HNRNPAB: variants seen among roughly 807,000 people sequenced by gnomAD.
The protein encoded by HNRNPAB is ABBP-1.
A neutral mutation model predicts 44.1 loss-of-function variants in HNRNPAB; 17 were observed. The ratio of observed to expected loss-of-function variants is 0.39; its 90% CI spans 0.26 to 0.58. The LOEUF (loss-of-function observed/expected upper bound fraction) is 0.58, where lower values mean the gene tolerates loss of function less well. HNRNPAB is among the 20% of genes least tolerant of loss of function. The pLI, the probability that HNRNPAB is intolerant of heterozygous loss-of-function variation, is 0.63. For synonymous variants in HNRNPAB, 183 were observed against 167.6 expected (o/e 1.09, Z -0.71); for missense variants, 393 against 432.7 (o/e 0.91, Z 0.81).
At chr5:178,207,285 G>T in intron 5 of HNRNPAB, 60 bp downstream of exon 5, 1 of 1,600,998 alleles carries the variant, frequency 6.2e-7, no homozygotes, top group Non-Finnish European at 8.5e-7. Context: ...CCCTTAGAGG[G>T]ATGGGTTAGG....
intron 7 of HNRNPAB, 132 bp downstream of exon 7, chr5:178,210,404 T>C: frequency 1.3e-6 from 2 of 1,556,780 alleles, no homozygotes; most frequent in Admixed American, 3.8e-5. Context: ...CTACTTGATT[T>C]TGAGCCTTAG....
At chr5:178,205,531 G>T (rs1757021329) in intron 2 of HNRNPAB, 1 of 209,944 alleles carries the variant, frequency 4.8e-6, no homozygotes, top group South Asian at 1.2e-4. Context: ...TGGTGGAGAC[G>T]CTGGCCCTTT....
At chr5:178,206,504 G>C (rs1410674981) in intron 3 of HNRNPAB, among the ~76,000 whole-genome samples, 4 of 152,220 alleles carry the variant, frequency 2.6e-5, no homozygotes, top group Non-Finnish European at 1.5e-5. Flanking sequence ...TGCTTGGGCA[G>C]GAAGAGCATG....
At chr5:178,208,235 G>T (rs558637258) in intron 5 of HNRNPAB, among the ~76,000 whole-genome samples, 11 of 152,328 alleles carry the variant, frequency 7.2e-5, no homozygotes, top group Admixed American at 1.3e-4. Context: ...GGAGTTGGCA[G>T]CCAGATAAGG....
chr5:178,205,097 C>G, intron 2 of HNRNPAB, 51 bp downstream of exon 2: 5 of 1,161,130 alleles, frequency 4.3e-6, no homozygotes, highest in Non-Finnish European at 5.4e-6. Context: ...CCGGGGCCGC[C>G]TTTTGTTGGC....
At chr5:178,204,780 G>T in intron 1 of HNRNPAB, 35 bp from the exon 2 acceptor site, 1 of 1,125,570 alleles carries the variant, frequency 8.9e-7, no homozygotes, top group Non-Finnish European at 1.1e-6. Flanking sequence ...GGCGGGAGCC[G>T]CGCCGGCCTG....
chr5:178,211,080 G>GGTATTTTACACGTGTC lies in HNRNPAB; in HGVS notation c.*458_*473dup. On this transcript the variant is annotated 3_prime_UTR_variant, in exon 8 of 8. Coordinates refer to ENST00000358344, the MANE Select transcript of HNRNPAB (RefSeq NM_031266.3). ...CTTTTGGGAATCTAATGTATTGTAAGGTATTTTACACGTGTCCTGATTTTG... is the reference window on the plus strand; with the variant it reads ...CTTTTGGGAATCTAATGTATTGTAAGGTATTTTACACGTGTCGTATTTTACACGTGTCCTGATTTTG... 1 of 172,456 alleles carries GGTATTTTACACGTGTC rather than the reference G, an allele frequency of 5.8e-6. No individual in the cohort carries two copies. Among genetic ancestry groups the GGTATTTTACACGTGTC allele is most frequent in the Middle Eastern group, 2.8e-3 (1 of 354 alleles). 10.7% of individuals were successfully genotyped at this position (172,456 alleles called of 1,614,324 possible). A position where few individuals can be genotyped will look rare whatever the true frequency, so the allele number is the denominator to read the frequency against.
At chr5:178,206,528 G>A (rs1355326180) in intron 3 of HNRNPAB, among the ~76,000 whole-genome samples, 1 of 152,228 alleles carries the variant, frequency 6.6e-6, no homozygotes, top group East Asian at 1.9e-4. Context: ...AAAGGCTTAA[G>A]TGTGAGGACT....
intron 2 of HNRNPAB, 33 bp from the exon 3 acceptor site, chr5:178,205,809 C>T (rs1469220862): frequency 1.9e-6 from 3 of 1,599,316 alleles, no homozygotes; most frequent in Admixed American, 1.7e-5. Context: ...GCTTACAAGA[C>T]TTGTTGCCGT....
At chr5:178,206,693 G>T (rs199688838) in intron 3 of HNRNPAB, 39 bp from the exon 4 acceptor site, 3 of 1,603,556 alleles carry the variant, frequency 1.9e-6, no homozygotes, top group East Asian at 2.2e-5. Flanking sequence ...TGTCTGGCTC[G>T]TGCTGCTGAG....
At position 178,207,203 on chromosome 5, in the gene HNRNPAB, T is replaced by C; in HGVS notation, c.647T>C (p.Phe216Ser). ...GTGAAGAAGGTTCTGGAGAAAAAGT[T>C]CCATACTGTCAGTGGAAGCAAGGTA... ...EPVKKVLEKK[F>S]HTVSGSKCEI... The change falls in exon 5 of 8, where the codon TTC becomes TCC. Residue 216 changes from phenylalanine to serine, a missense_variant. Physicochemically the swap from Phe to Ser is radical, Grantham distance 155. Transcript: ENST00000358344. 6.2e-7 allele frequency: 1 copy of C among 1,614,218 alleles called. No individual in the cohort carries two copies. Among genetic ancestry groups the C allele is most frequent in the Non-Finnish European group, 8.5e-7 (1 of 1,180,034 alleles).
In HNRNPAB at chr5:178,205,908, A is replaced by G. The variant is rs1454722358; in HGVS notation, c.276A>G (p.Lys92=). 1 of 1,614,020 alleles carries G rather than the reference A, an allele frequency of 6.2e-7. No individual in the cohort carries two copies. Among genetic ancestry groups the G allele is most frequent in the Non-Finnish European group, 8.5e-7 (1 of 1,179,990 alleles). The stretch of plus-strand genomic sequence containing the variant: ...AAGATTTAAAAGACTATTTTACTAA[A>G]TTTGGAGAGGTCGTTGACTGTACAA... The part of the protein sequence containing the change: ...SKKDLKDYFT[K]FGEVVDCTIK... Residue 92 remains lysine, a synonymous_variant, in exon 3 of 8, where the codon AAA becomes AAG. Coordinates refer to ENST00000358344, the MANE Select transcript of HNRNPAB (RefSeq NM_031266.3).
chr5:178,210,000 G>A lies in HNRNPAB; in HGVS notation c.788-132G>A, dbSNP rs1000559336. On this transcript the variant is annotated intron_variant, in intron 6 of 7. Coordinates refer to ENST00000358344, the MANE Select transcript of HNRNPAB (RefSeq NM_031266.3). ...TTGGGCCCAGGGCCCTTATACACCA[G>A]AACAGCAGCCCCTTGGCTTCTGCCT... 4.1e-5 allele frequency: 53 copies of A among 1,303,820 alleles called. No homozygotes were observed. In the Admixed American group the frequency reaches 9.9e-4, roughly 24 times the overall value. 80.8% of individuals were successfully genotyped at this position (1,303,820 alleles called of 1,614,324 possible).
At chr5:178,205,739 G>A (rs2113535690) in intron 2 of HNRNPAB, 103 bp from the exon 3 acceptor site, 1 of 1,067,216 alleles carries the variant, frequency 9.4e-7, no homozygotes, top group Non-Finnish European at 1.4e-6. Context: ...CAGACTCTAA[G>A]GGTAGCTGTA....
chr5:178,209,470 T>TA (rs775782362), intron 6 of HNRNPAB, 23 bp downstream of exon 6: 8 of 1,594,864 alleles, frequency 5.0e-6, no homozygotes, highest in Non-Finnish European at 6.9e-6. Flanking sequence ...TGGATGAAGA[T>TA]AGGTCCTGTT....
At chr5:178,207,691 C>CTTTTTTTTTTTTTTTTTTTTTT in intron 5 of HNRNPAB, among the ~76,000 whole-genome samples, 1 of 78,756 alleles carries the variant, frequency 1.3e-5, no homozygotes, top group Non-Finnish European at 2.3e-5. Flanking sequence ...ACTTTGAGCA[C>CTTTTTTTTTTTTTTTTTTTTTT]TTTTTTTTTT....
chr5:178,209,845 T>C (rs190751629), intron 6 of HNRNPAB, among the ~76,000 whole-genome samples: 2 of 152,264 alleles, frequency 1.3e-5, no homozygotes, highest in Non-Finnish European at 2.9e-5. Context: ...CTGCATCTTT[T>C]TAAAGGCTAA....
Position 178,210,636 on chromosome 5 carries a change from A to G in HNRNPAB, c.*13A>G, listed in dbSNP as rs764344268. The G allele has an allele frequency of 1.6e-5, 25 of 1,604,966 alleles. No individual in the cohort carries two copies. In the South Asian group the frequency reaches 2.3e-4, roughly 15 times the overall value. ...CAAGCCATACTGAGGCGGCAGCAGG[A>G]GCGACCAACTGATCGCACACATGCT... On this transcript the variant is annotated 3_prime_UTR_variant, in exon 8 of 8. Coordinates refer to ENST00000358344, the MANE Select transcript of HNRNPAB (RefSeq NM_031266.3).
At chr5:178,210,013 T>C (rs1321527074) in intron 6 of HNRNPAB, 119 bp from the exon 7 acceptor site, 22 of 1,423,132 alleles carry the variant, frequency 1.5e-5, no homozygotes, top group Non-Finnish European at 2.1e-5. Context: ...CAGCAGCCCC[T>C]TGGCTTCTGC....
Sources: allele counts gnomAD v4.1 joint callset (sites outside exome capture counted in the v4.1 genomes callset), GRCh38; gene constraint gnomAD v4.1.1; transcripts MANE v1.5; gene names NCBI Gene and HGNC (gene_info 2026-07-23, HGNC 2026-07-21).